CCSER1: variants seen among roughly 807,000 people sequenced by gnomAD.
The protein encoded by CCSER1 is serine-rich coiled-coil domain-containing protein 1.
Under a neutral mutation model 82.0 loss-of-function variants are expected in CCSER1, and 41 were observed. The observed-to-expected ratio is 0.50, with a 90% CI of 0.39 to 0.65. The LOEUF (loss-of-function observed/expected upper bound fraction) is 0.65, where lower values mean the gene tolerates loss of function less well. CCSER1 is among the 30% of genes least tolerant of loss of function. The pLI, the probability that CCSER1 is intolerant of heterozygous loss-of-function variation, is 0.00. For synonymous variants in CCSER1, 414 were observed against 383.9 expected (o/e 1.08, Z -0.92); for missense variants, 1,119 against 1,064.2 (o/e 1.05, Z -0.72).
chr4:90,806,867 T>C (rs1310828656), intron 7 of CCSER1, among the ~76,000 whole-genome samples: 1 of 63,152 alleles, frequency 1.6e-5, no homozygotes, highest in Non-Finnish European at 3.3e-5. Context: ...AATCCTCTTC[T>C]TTTTTTTTTT....
At chr4:90,162,524 T>G (rs1729651802) in intron 1 of CCSER1, among the ~76,000 whole-genome samples, 1 of 152,046 alleles carries the variant, frequency 6.6e-6, no homozygotes, top group Non-Finnish European at 1.5e-5. Context: ...GTTTTTCAAT[T>G]AGAAAATAAT....
intron 10 of CCSER1, among the ~76,000 whole-genome samples, chr4:91,374,761 C>G (rs890098385): frequency 6.6e-6 from 1 of 152,130 alleles, no homozygotes; most frequent in African/African-American, 2.4e-5. Context: ...TTTGGGAGGC[C>G]GAGGTGGGTG....
intron 10 of CCSER1, among the ~76,000 whole-genome samples, chr4:91,500,775 A>C (rs528780978): frequency 2.7e-4 from 41 of 152,092 alleles, no homozygotes; most frequent in Middle Eastern, 3.4e-3. Context: ...TTTTATTATT[A>C]TTTCAAAAGC....
chr4:91,197,891 C>A (rs574524968), intron 10 of CCSER1, among the ~76,000 whole-genome samples: 1 of 147,988 alleles, frequency 6.8e-6, no homozygotes, highest in East Asian at 2.0e-4. Context: ...AATGCTATAT[C>A]TTTTTTTTTT....
chr4:90,360,219 A>T (rs1050139940), intron 3 of CCSER1, among the ~76,000 whole-genome samples: 4 of 145,130 alleles, frequency 2.8e-5, no homozygotes, highest in African/African-American at 1.0e-4. Flanking sequence ...GCCCGGCCAC[A>T]ATATTCTTAT....
chr4:90,628,273 A>G (rs751629880), intron 6 of CCSER1, 41 bp downstream of exon 6: 3 of 1,494,056 alleles, frequency 2.0e-6, no homozygotes, highest in Admixed American at 3.4e-5. Flanking sequence ...CAGTGCTGGT[A>G]GACAATGAAG....
Position 90,327,951 on chromosome 4 carries a change from G to A in CCSER1, c.1509+14904G>A, listed in dbSNP as rs188158622. Among the ~76,000 whole-genome samples the A allele has an allele frequency of 3.3e-5, 5 of 152,156 alleles. No individual in the cohort carries two copies. In the East Asian group the frequency reaches 7.7e-4, roughly 23 times the overall value. ...ACTTACTCTCTTTCTTTCACAGTGC[G>A]AAATCTCCTGTGGTTATTCTCATTC... On this transcript the variant is annotated intron_variant, in intron 3 of 10. Transcript: ENST00000509176.
At chr4:91,065,354 G>T (rs1324568023) in intron 9 of CCSER1, among the ~76,000 whole-genome samples, 1 of 152,066 alleles carries the variant, frequency 6.6e-6, no homozygotes. Context: ...GTGTAATATT[G>T]TACAAAACAG....
At chr4:90,403,624 G>A (rs1212810565) in intron 4 of CCSER1, among the ~76,000 whole-genome samples, 2 of 151,370 alleles carry the variant, frequency 1.3e-5, no homozygotes, top group African/African-American at 4.9e-5. Flanking sequence ...AAAGAACAGC[G>A]ATTTTCAAAA....
chr4:90,205,847 G>A (rs1233972118), intron 1 of CCSER1, among the ~76,000 whole-genome samples: 1 of 151,974 alleles, frequency 6.6e-6, no homozygotes, highest in Non-Finnish European at 1.5e-5. Flanking sequence ...TTGGTTGGTA[G>A]GCTATTAATT....
chr4:91,105,644 C>T (rs1279525765), intron 10 of CCSER1, among the ~76,000 whole-genome samples: 1 of 152,034 alleles, frequency 6.6e-6, no homozygotes, highest in South Asian at 2.1e-4. Context: ...GAGGAAGTTG[C>T]AGTGAGATGA....
intron 10 of CCSER1, among the ~76,000 whole-genome samples, chr4:91,119,843 C>T (rs1656519312): frequency 6.6e-6 from 1 of 151,838 alleles, no homozygotes; most frequent in African/African-American, 2.4e-5. Flanking sequence ...GTGTGTAAAG[C>T]ATATTTTTTA....
chr4:90,363,891 T>C (rs1341247456), intron 3 of CCSER1, among the ~76,000 whole-genome samples: 1 of 152,160 alleles, frequency 6.6e-6, no homozygotes, highest in Non-Finnish European at 1.5e-5. Context: ...GATGGGATTA[T>C]ATTCTGTAAT....
At chr4:90,263,338 A>T (rs1724672242) in intron 1 of CCSER1, among the ~76,000 whole-genome samples, 1 of 152,186 alleles carries the variant, frequency 6.6e-6, no homozygotes, top group Admixed American at 6.5e-5. Context: ...GTCTGCAAAG[A>T]ATCCGGCTAT....
chr4:90,839,063 G>A lies in CCSER1; in HGVS notation c.2094+23218G>A, dbSNP rs755220218. On this transcript the variant is annotated intron_variant, in intron 8 of 10. Transcript: ENST00000509176. The stretch of plus-strand genomic sequence containing the variant: ...GGTTGCGGAGGAAAAGCGGAGCGAG[G>A]CGCGCGAGTACGAGCGAAGTCTGGT... 6 of 1,605,840 alleles carry A rather than the reference G, an allele frequency of 3.7e-6. 1 individual carries two copies. The highest frequency in any genetic ancestry group is 5.1e-6 in the Non-Finnish European group (6 of 1,174,230).
At chr4:90,477,932 A>C (rs1391745727) in intron 5 of CCSER1, among the ~76,000 whole-genome samples, 2 of 152,150 alleles carry the variant, frequency 1.3e-5, no homozygotes, top group Admixed American at 1.3e-4. Flanking sequence ...TAATATTGAA[A>C]ATATCACAGG....
At chr4:91,049,790 ATACT>A (rs1247684840) in intron 9 of CCSER1, among the ~76,000 whole-genome samples, 1 of 152,198 alleles carries the variant, frequency 6.6e-6, no homozygotes, top group African/African-American at 2.4e-5. Flanking sequence ...ATTTTATGAA[ATACT>A]TCTTTTAAAG....
chr4:90,378,112 A>G (rs1289158533), intron 3 of CCSER1, among the ~76,000 whole-genome samples: 3 of 152,128 alleles, frequency 2.0e-5, no homozygotes, highest in Admixed American at 6.6e-5. Context: ...TCAGCTCTTT[A>G]TGGCATTGTT....
chr4:90,957,399 C>A (rs1276865998), intron 9 of CCSER1, among the ~76,000 whole-genome samples: 4 of 145,552 alleles, frequency 2.7e-5, no homozygotes, highest in African/African-American at 1.0e-4. Flanking sequence ...CGTGCCTAGC[C>A]CCAGCCTGAT....
Sources: gnomAD v4.1 joint callset for allele counts (sites outside exome capture counted in the v4.1 genomes callset) on GRCh38, gnomAD v4.1.1 for gene constraint, MANE v1.5 for transcripts, NCBI Gene and HGNC (gene_info 2026-07-23, HGNC 2026-07-21) for gene names.